Variants in PAK5 observed in about 807,000 individuals in gnomAD.
PAK5 encodes p21 (RAC1) activated kinase 5.
A neutral mutation model predicts 65.9 loss-of-function variants in PAK5; 16 were observed. The ratio of observed to expected loss-of-function variants is 0.24; its 90% CI spans 0.16 to 0.37. The LOEUF (loss-of-function observed/expected upper bound fraction) is 0.37. PAK5 is among the 10% of genes least tolerant of loss of function. PAK5 has a pLI of 1.00. For synonymous variants in PAK5, 371 were observed against 354.9 expected, an observed-to-expected ratio of 1.05 and a Z score of -0.51; for missense variants, 785 against 903.9, an observed-to-expected ratio of 0.87 and a Z score of 1.69.
At chr20:9,779,042 G>C (rs774182807) in intron 1 of PAK5, among the ~76,000 whole-genome samples, 7 of 151,904 alleles carry the variant, frequency 4.6e-5, no homozygotes, top group African/African-American at 1.7e-4. Context: ...CAGATTTAGC[G>C]TCTCTTTTTT....
At chr20:9,633,502 C>T (rs778613579) in intron 3 of PAK5, among the ~76,000 whole-genome samples, 3 of 152,000 alleles carry the variant, frequency 2.0e-5, no homozygotes, top group African/African-American at 7.2e-5. Context: ...TTATAAGTGC[C>T]ACAAAAGAAT....
At chr20:9,757,285 C>A (rs2048646290) in intron 1 of PAK5, among the ~76,000 whole-genome samples, 1 of 152,082 alleles carries the variant, frequency 6.6e-6, no homozygotes, top group Admixed American at 6.6e-5. Context: ...AGTTTTATTA[C>A]AAGTCCTCAT....
chr20:9,621,060 T>C (rs749335831), intron 3 of PAK5, among the ~76,000 whole-genome samples: 4 of 151,726 alleles, frequency 2.6e-5, no homozygotes, highest in Non-Finnish European at 4.4e-5. Context: ...ACAACTTGAA[T>C]GTAAAAAGCA....
chr20:9,775,610 C>A (rs6056864), intron 1 of PAK5, among the ~76,000 whole-genome samples: 6,556 of 152,180 alleles, frequency 0.043, 462 homozygotes, highest in African/African-American at 0.15. Context: ...TTTCAATTAG[C>A]AGCAAAGGGC....
intron 1 of PAK5, among the ~76,000 whole-genome samples, chr20:9,783,630 C>T (rs996781799): frequency 3.9e-5 from 6 of 152,100 alleles, no homozygotes; most frequent in Admixed American, 2.0e-4. Context: ...AGATATGTTA[C>T]GGAACATTGT....
chr20:9,812,439 A>T (rs2049308641), intron 1 of PAK5, among the ~76,000 whole-genome samples: 1 of 152,050 alleles, frequency 6.6e-6, no homozygotes, highest in Non-Finnish European at 1.5e-5. Flanking sequence ...AGATATCACC[A>T]CTCCTATCAG....
intron 2 of PAK5, among the ~76,000 whole-genome samples, chr20:9,658,079 T>C (rs1324476265): frequency 6.6e-6 from 1 of 152,232 alleles, no homozygotes; most frequent in African/African-American, 2.4e-5. Flanking sequence ...CCCAAACAGA[T>C]ACTGGCCCAT....
At chr20:9,553,606 T>C (rs1460508306) in intron 7 of PAK5, among the ~76,000 whole-genome samples, 1 of 151,976 alleles carries the variant, frequency 6.6e-6, no homozygotes, top group Admixed American at 6.5e-5. Context: ...ATATAGTGTG[T>C]ATCCTTTTGA....
intron 2 of PAK5, among the ~76,000 whole-genome samples, chr20:9,675,643 C>T (rs1203760559): frequency 4.6e-5 from 7 of 152,078 alleles, no homozygotes; most frequent in Admixed American, 4.6e-4. Flanking sequence ...ATACCCAGCT[C>T]CAATTAATAA....
intron 3 of PAK5, among the ~76,000 whole-genome samples, chr20:9,622,967 ATG>A (rs1309761185): frequency 6.6e-6 from 1 of 152,222 alleles, no homozygotes; most frequent in African/African-American, 2.4e-5. Context: ...TCTAGGAATG[ATG>A]TGTTATAAAA....
At chr20:9,833,670 G>A (rs1337424787) in intron 1 of PAK5, among the ~76,000 whole-genome samples, 5 of 152,042 alleles carry the variant, frequency 3.3e-5, no homozygotes, top group Admixed American at 6.6e-5. Flanking sequence ...CTTCCAGATG[G>A]ATGTTAGAAT....
chr20:9,817,431 A>T (rs1159915365), intron 1 of PAK5, among the ~76,000 whole-genome samples: 1 of 152,176 alleles, frequency 6.6e-6, no homozygotes, highest in Non-Finnish European at 1.5e-5. Flanking sequence ...CACAATAGTG[A>T]TCTCTTAATA....
intron 1 of PAK5, among the ~76,000 whole-genome samples, chr20:9,815,264 T>A (rs779795880): frequency 5.3e-5 from 8 of 152,086 alleles, no homozygotes; most frequent in Non-Finnish European, 8.8e-5. Context: ...ACAAACCATA[T>A]CCAAACCATA....
chr20:9,789,419 ATT>A (rs1375107002), intron 1 of PAK5, among the ~76,000 whole-genome samples: 1 of 152,176 alleles, frequency 6.6e-6, no homozygotes, highest in Non-Finnish European at 1.5e-5. Context: ...AGGTGTCAGC[ATT>A]TATACTTTAA....
intron 1 of PAK5, among the ~76,000 whole-genome samples, chr20:9,751,082 C>T (rs2123617521): frequency 6.6e-6 from 1 of 152,224 alleles, no homozygotes; most frequent in South Asian, 2.1e-4. Flanking sequence ...AATGTGTTTC[C>T]AAATTAGTCA....
At chr20:9,584,954 G>A (rs1484287067) in intron 3 of PAK5, among the ~76,000 whole-genome samples, 2 of 151,168 alleles carry the variant, frequency 1.3e-5, no homozygotes, top group Non-Finnish European at 2.9e-5. Context: ...GTGCCACATG[G>A]GTAATGAGTG....
chr20:9,790,659 C>A (rs1220763244), intron 1 of PAK5, among the ~76,000 whole-genome samples: 2 of 152,034 alleles, frequency 1.3e-5, no homozygotes, highest in African/African-American at 2.4e-5. Context: ...GTGTACAACA[C>A]AACACCTAAT....
chr20:9,770,402 C>T (rs1470516276), intron 1 of PAK5, among the ~76,000 whole-genome samples: 2 of 151,952 alleles, frequency 1.3e-5, no homozygotes, highest in African/African-American at 4.8e-5. Flanking sequence ...AAATGGTTAC[C>T]TAAAAGAACA....
At chr20:9,735,717 A>G (rs2048380778) in intron 1 of PAK5, among the ~76,000 whole-genome samples, 1 of 151,938 alleles carries the variant, frequency 6.6e-6, no homozygotes, top group Non-Finnish European at 1.5e-5. Flanking sequence ...GAATATTGAT[A>G]GGACTATAAA....
Sources: allele counts gnomAD v4.1 joint callset (sites outside exome capture counted in the v4.1 genomes callset), GRCh38; gene constraint gnomAD v4.1.1; transcripts MANE v1.5; gene names NCBI Gene and HGNC (gene_info 2026-07-23, HGNC 2026-07-21).